The following TMEM232 variants were observed in gnomAD, a reference collection of about 807,000 sequenced individuals.
TMEM232 encodes the protein transmembrane protein 232.
In TMEM232, 80 loss-of-function variants were observed where a neutral mutation model predicts 78.8. That is an observed-to-expected ratio of 1.01 (90% CI 0.85 to 1.22). The LOEUF is 1.22. Ranked by LOEUF, TMEM232 falls within the 50% of genes most tolerant of loss-of-function variation. The probability of loss-of-function intolerance (pLI) is 0.00; values close to 1 mark genes in which losing one functional copy is unlikely to be tolerated. For missense variants in TMEM232, 881 were observed against 742.2 expected (o/e 1.19, Z -2.17); for synonymous variants, 297 against 254.3 (o/e 1.17, Z -1.60).
chr5:110,655,379 T>C (rs540047386), intron 2 of TMEM232, among the ~76,000 whole-genome samples: 1 of 149,676 alleles, frequency 6.7e-6, no homozygotes. Flanking sequence ...CCAGTTAGAA[T>C]GGCTATCATT....
chr5:110,560,560 T>C (rs1257846066), intron 11 of TMEM232, among the ~76,000 whole-genome samples: 1 of 152,052 alleles, frequency 6.6e-6, no homozygotes, highest in East Asian at 1.9e-4. Flanking sequence ...AAGAAAGAAG[T>C]TATATCCAGA....
chr5:110,531,054 G>C (rs138325276), intron 11 of TMEM232, among the ~76,000 whole-genome samples: 84 of 152,208 alleles, frequency 5.5e-4, no homozygotes, highest in Non-Finnish European at 1.1e-3. Flanking sequence ...AAAATGACCT[G>C]TTCCTGCCTT....
At chr5:110,513,489 G>GA (rs1429508979) in intron 12 of TMEM232, among the ~76,000 whole-genome samples, 2 of 151,776 alleles carry the variant, frequency 1.3e-5, no homozygotes, top group Non-Finnish European at 1.5e-5. Flanking sequence ...CAAAAAAGGG[G>GA]AAAAAACCCA....
At chr5:110,522,618 T>C (rs1176568308) in intron 12 of TMEM232, among the ~76,000 whole-genome samples, 1 of 152,190 alleles carries the variant, frequency 6.6e-6, no homozygotes, top group Non-Finnish European at 1.5e-5. Context: ...GTTTTTATCA[T>C]AAAATGGTGT....
chr5:110,389,373 T>C (rs1404953342), intron 4 of TMEM232, among the ~76,000 whole-genome samples: 2 of 151,844 alleles, frequency 1.3e-5, no homozygotes, highest in East Asian at 3.9e-4. Context: ...GAGGCTGAGA[T>C]ATGAACAGAT....
At chr5:110,428,105 A>G (rs1420065572) in intron 12 of TMEM232, among the ~76,000 whole-genome samples, 1 of 151,650 alleles carries the variant, frequency 6.6e-6, no homozygotes, top group Admixed American at 6.6e-5. Flanking sequence ...GATTTTTTGT[A>G]CCCATTAACC....
intron 11 of TMEM232, among the ~76,000 whole-genome samples, chr5:110,530,690 T>G (rs1425623946): frequency 6.6e-6 from 1 of 152,052 alleles, no homozygotes; most frequent in Non-Finnish European, 1.5e-5. Context: ...CTCATATAAG[T>G]AGAGTAGGAT....
chr5:110,469,577 T>C lies in TMEM232; in HGVS notation c.1704-44661A>G, dbSNP rs774858696. On this transcript the variant is annotated intron_variant, in intron 12 of 13. Coordinates refer to ENST00000455884, the MANE Select transcript of TMEM232 (RefSeq NM_001039763.4). ...TGAGCTAAAGCTGTGCATTCCCTCC[T>C]AGGGAAATGGTGCCTTGGTGGAGCT... Among the ~76,000 whole-genome samples the C allele has an allele frequency of 2.9e-4, 44 of 152,218 alleles. 1 individual carries two copies. Among genetic ancestry groups the C allele is most frequent in the Admixed American group, 6.5e-4 (10 of 15,292 alleles).
intron 12 of TMEM232, among the ~76,000 whole-genome samples, chr5:110,500,046 C>T (rs540878292): frequency 6.6e-6 from 1 of 151,950 alleles, no homozygotes; most frequent in Non-Finnish European, 1.5e-5. Context: ...AATCCCAGCA[C>T]TTTGGGAGGC....
At chr5:110,502,491 G>A (rs1476414064) in intron 12 of TMEM232, among the ~76,000 whole-genome samples, 1 of 152,170 alleles carries the variant, frequency 6.6e-6, no homozygotes, top group Non-Finnish European at 1.5e-5. Context: ...AGAAACATCA[G>A]TTTAGCTCAG....
chr5:110,634,056 T>C (rs1035114364), intron 5 of TMEM232, among the ~76,000 whole-genome samples: 2 of 152,012 alleles, frequency 1.3e-5, no homozygotes, highest in African/African-American at 4.8e-5. Context: ...ATCCTTCTAT[T>C]GGATAAAACA....
intron 7 of TMEM232, among the ~76,000 whole-genome samples, chr5:110,623,690 C>T (rs968256730): frequency 6.6e-6 from 1 of 152,012 alleles, no homozygotes; most frequent in Non-Finnish European, 1.5e-5. Flanking sequence ...TTAGCCAAAT[C>T]AGTAATTTTA....
intron 8 of TMEM232, among the ~76,000 whole-genome samples, chr5:110,607,814 T>A (rs189364744): frequency 6.6e-6 from 1 of 151,770 alleles, no homozygotes; most frequent in South Asian, 2.1e-4. Flanking sequence ...CCTTTGCGCA[T>A]CCTCTTCCTC....
intron 12 of TMEM232, among the ~76,000 whole-genome samples, chr5:110,447,875 G>A (rs1439627005): frequency 6.6e-6 from 1 of 151,958 alleles, no homozygotes; most frequent in African/African-American, 2.4e-5. Flanking sequence ...ATTGTAAAGT[G>A]AAAACGAAGA....
At chr5:110,578,991 A>T (rs1184557526) in intron 10 of TMEM232, among the ~76,000 whole-genome samples, 1 of 151,806 alleles carries the variant, frequency 6.6e-6, no homozygotes, top group African/African-American at 2.4e-5. Context: ...GTACATCCAG[A>T]TCCAGGAGGC....
At chr5:110,641,434 A>G (rs1786698956) in intron 3 of TMEM232, among the ~76,000 whole-genome samples, 1 of 152,168 alleles carries the variant, frequency 6.6e-6, no homozygotes. Flanking sequence ...GGAGATGATC[A>G]GGATTGTTCC....
chr5:110,603,885 T>G (rs1479646709), intron 10 of TMEM232, among the ~76,000 whole-genome samples: 2 of 152,144 alleles, frequency 1.3e-5, no homozygotes, highest in Non-Finnish European at 2.9e-5. Context: ...ATGAAATGTG[T>G]ATCTATTTCT....
intron 12 of TMEM232, among the ~76,000 whole-genome samples, chr5:110,461,134 T>C (rs537236488): frequency 2.6e-5 from 4 of 152,022 alleles, no homozygotes; most frequent in Non-Finnish European, 4.4e-5. Context: ...GAAAGACATA[T>C]GAAAACTGCA....
intron 2 of TMEM232, among the ~76,000 whole-genome samples, chr5:110,648,779 A>G (rs2150048680): frequency 6.6e-6 from 1 of 152,240 alleles, no homozygotes; most frequent in East Asian, 1.9e-4. Context: ...GGCTCTCCTA[A>G]ACGCATGTTC....
Sources: gnomAD v4.1 joint callset for allele counts (sites outside exome capture counted in the v4.1 genomes callset) on GRCh38, gnomAD v4.1.1 for gene constraint, MANE v1.5 for transcripts, NCBI Gene and HGNC (gene_info 2026-07-23, HGNC 2026-07-21) for gene names.